The following ANKRD30BL variants were observed in gnomAD, a reference collection of about 807,000 sequenced individuals.
ANKRD30BL encodes the protein ankyrin repeat domain 30B like, also known as putative ankyrin repeat domain-containing protein 30B-like.
A neutral mutation model predicts 18.4 loss-of-function variants in ANKRD30BL; 20 were observed. The ratio of observed to expected loss-of-function variants is 1.09; its 90% CI spans 0.77 to 1.58. The LOEUF is 1.58. Among genes scored for constraint, ANKRD30BL ranks in the 40% most tolerant of loss-of-function variants. The probability of loss-of-function intolerance (pLI) is 0.00; values close to 1 mark genes in which losing one functional copy is unlikely to be tolerated. For synonymous variants in ANKRD30BL, 72 were observed against 100.9 expected (o/e 0.71, Z 1.72); for missense variants, 224 against 268.6 (o/e 0.83, Z 1.16).
chr2:132,234,050 C>T (rs182958325), intron 1 of ANKRD30BL, among the ~76,000 whole-genome samples: 165 of 152,224 alleles, frequency 1.1e-3, no homozygotes, highest in African/African-American at 3.2e-3. Context: ...AACCACTCAA[C>T]TACATGGAAA....
intron 1 of ANKRD30BL, among the ~76,000 whole-genome samples, chr2:132,240,323 C>T (rs1573880892): frequency 2.0e-5 from 3 of 151,338 alleles, no homozygotes; most frequent in African/African-American, 4.8e-5. Flanking sequence ...GGAATATCTT[C>T]GCATAAAACT....
intron 1 of ANKRD30BL, among the ~76,000 whole-genome samples, chr2:132,191,999 C>T (rs1678865716): frequency 6.6e-6 from 1 of 152,066 alleles, no homozygotes; most frequent in African/African-American, 2.4e-5. Flanking sequence ...CCACCTTGGC[C>T]TTCCAAAGTG....
At chr2:132,210,887 C>A (rs200300390) in intron 1 of ANKRD30BL, among the ~76,000 whole-genome samples, 1,310 of 43,942 alleles carry the variant, frequency 0.03, no homozygotes, top group African/African-American at 0.049. Flanking sequence ...ATATCTTCAC[C>A]TAAAAACTAC....
intron 1 of ANKRD30BL, among the ~76,000 whole-genome samples, chr2:132,221,671 C>T (rs868318463): frequency 0.031 from 3,615 of 116,940 alleles, 117 homozygotes; most frequent in South Asian, 0.059. Flanking sequence ...CCCGGCCAGC[C>T]GCCCCGTCCG....
At chr2:132,213,865 G>A (rs537625222) in intron 1 of ANKRD30BL, among the ~76,000 whole-genome samples, 2 of 152,186 alleles carry the variant, frequency 1.3e-5, no homozygotes, top group East Asian at 3.9e-4. Flanking sequence ...TTTCTGATGT[G>A]TGCATTCATC....
At chr2:132,243,074 G>C (rs540547853) in intron 1 of ANKRD30BL, among the ~76,000 whole-genome samples, 2 of 151,792 alleles carry the variant, frequency 1.3e-5, no homozygotes, top group Admixed American at 6.6e-5. Context: ...CTAGACAGAG[G>C]CATTCTCAGA....
At chr2:132,210,155 A>C (rs1317216331) in intron 1 of ANKRD30BL, among the ~76,000 whole-genome samples, 9 of 152,042 alleles carry the variant, frequency 5.9e-5, no homozygotes, top group Admixed American at 1.3e-4. Context: ...CTGCAAGTGG[A>C]TATTTGGAGC....
chr2:132,210,381 A>T (rs1679313825), intron 1 of ANKRD30BL, among the ~76,000 whole-genome samples: 1 of 151,590 alleles, frequency 6.6e-6, no homozygotes, highest in Non-Finnish European at 1.5e-5. Flanking sequence ...TCACATAAAA[A>T]CTGGATGGAA....
intron 1 of ANKRD30BL, among the ~76,000 whole-genome samples, chr2:132,200,535 C>T (rs1679076160): frequency 1.3e-5 from 2 of 152,078 alleles, no homozygotes; most frequent in Non-Finnish European, 1.5e-5. Flanking sequence ...GAGTGAATTC[C>T]CATTCACAAT....
intron 1 of ANKRD30BL, among the ~76,000 whole-genome samples, chr2:132,249,267 C>T (rs1274606451): frequency 6.6e-6 from 1 of 152,068 alleles, no homozygotes; most frequent in Non-Finnish European, 1.5e-5. Flanking sequence ...AGATGTCTCT[C>T]AGAAAGCTTC....
chr2:132,201,559 C>T (rs1338405452), intron 1 of ANKRD30BL, among the ~76,000 whole-genome samples: 2 of 152,166 alleles, frequency 1.3e-5, no homozygotes, highest in African/African-American at 2.4e-5. Flanking sequence ...CATCACTGGC[C>T]ATCAGAGAAA....
chr2:132,254,063 C>T (rs553920864), intron 1 of ANKRD30BL, among the ~76,000 whole-genome samples: 6 of 150,780 alleles, frequency 4.0e-5, no homozygotes, highest in East Asian at 3.9e-4. Flanking sequence ...ACCACCCCCG[C>T]GCCCACCGAC....
intron 1 of ANKRD30BL, among the ~76,000 whole-genome samples, chr2:132,181,738 T>C (rs1358386078): frequency 2.0e-5 from 3 of 152,224 alleles, no homozygotes; most frequent in Non-Finnish European, 4.4e-5. Flanking sequence ...AATAGTTGTT[T>C]CTATTAAAAT....
chr2:132,230,247 GAATCTGC>G (rs1679972564), intron 1 of ANKRD30BL, among the ~76,000 whole-genome samples: 1 of 151,908 alleles, frequency 6.6e-6, no homozygotes, highest in African/African-American at 2.4e-5. Context: ...TCTTTTAGTA[GAATCTGC>G]AAGTGAATTT....
intron 1 of ANKRD30BL, among the ~76,000 whole-genome samples, chr2:132,193,369 C>A (rs1678898305): frequency 6.6e-6 from 1 of 152,122 alleles, no homozygotes; most frequent in Non-Finnish European, 1.5e-5. Context: ...GAATGACCAC[C>A]TTTTCATCCT....
At chr2:132,257,871 T>G (rs1680915865) in exon 1 of ANKRD30BL, 2 of 152,838 alleles carry the variant, frequency 1.3e-5, no homozygotes, top group African/African-American at 4.9e-5. Flanking sequence ...TCCACCAGCC[T>G]CCTTTCTCCC....
chr2:132,169,860 T>C (rs1688249244), intron 1 of ANKRD30BL, among the ~76,000 whole-genome samples: 1 of 152,130 alleles, frequency 6.6e-6, no homozygotes, highest in African/African-American at 2.4e-5. Context: ...AGCCATTTAG[T>C]TGCATCTCTA....
chr2:132,161,383 A>T lies in ANKRD30BL; in HGVS notation c.218+105T>A. 4 of 1,143,238 alleles carry T rather than the reference A, an allele frequency of 3.5e-6. No homozygotes were observed. In the South Asian group the frequency reaches 4.5e-5, roughly 13 times the overall value. The allele number at this position is 1,143,238 out of a possible 1,614,324, so 70.8% of individuals were successfully genotyped here. On this transcript the variant is annotated intron_variant, in intron 1 of 5. Transcript: ENST00000409867. Reference sequence around the variant, plus strand: ...CCGCCCCGCTGCCCGCCACTCCTCCACCTGCTCCCCTCGTCCCCAGGACCC... The same window carrying T: ...CCGCCCCGCTGCCCGCCACTCCTCCTCCTGCTCCCCTCGTCCCCAGGACCC...
chr2:132,227,358 T>C (rs955378405), intron 1 of ANKRD30BL, among the ~76,000 whole-genome samples: 2 of 152,016 alleles, frequency 1.3e-5, no homozygotes, highest in African/African-American at 4.8e-5. Context: ...TTGAGGCCTA[T>C]AGTGGAAAAG....
Sources: gnomAD v4.1 joint callset for allele counts (sites outside exome capture counted in the v4.1 genomes callset) on GRCh38, gnomAD v4.1.1 for gene constraint, MANE v1.5 for transcripts, NCBI Gene and HGNC (gene_info 2026-07-23, HGNC 2026-07-21) for gene names.